Variants in MAPK10 observed in about 807,000 individuals in gnomAD.
MAPK10 encodes the protein JNK3 alpha protein kinase.
MAPK10 carries 25 observed loss-of-function variants against 59.3 expected under a neutral mutation model. The ratio of observed to expected loss-of-function variants is 0.42; its 90% CI spans 0.31 to 0.59. The LOEUF (loss-of-function observed/expected upper bound fraction) is 0.59, where lower values mean the gene tolerates loss of function less well. MAPK10 is among the 20% of genes least tolerant of loss of function. The probability of loss-of-function intolerance (pLI) is 0.15; values close to 1 mark genes in which losing one functional copy is unlikely to be tolerated. For missense variants in MAPK10, 351 were observed against 568.9 expected (o/e 0.62, Z 3.90); for synonymous variants, 190 against 200.5 (o/e 0.95, Z 0.44).
chr4:86,463,726 C>G (rs1751952347), intron 1 of MAPK10, among the ~76,000 whole-genome samples: 1 of 152,154 alleles, frequency 6.6e-6, no homozygotes, highest in African/African-American at 2.4e-5. Flanking sequence ...ATGACCTGCT[C>G]TAGGCATTCC....
chr4:86,389,233 T>C (rs899269801), intron 1 of MAPK10, among the ~76,000 whole-genome samples: 3 of 152,134 alleles, frequency 2.0e-5, no homozygotes, highest in African/African-American at 7.2e-5. Flanking sequence ...CCTTCCACCA[T>C]GATTGTGAGT....
chr4:86,231,762 T>G (rs1299932032), intron 2 of MAPK10, among the ~76,000 whole-genome samples: 1 of 152,220 alleles, frequency 6.6e-6, no homozygotes, highest in East Asian at 1.9e-4. Flanking sequence ...TCTTTAATGT[T>G]GCAAAAATAT....
intron 2 of MAPK10, among the ~76,000 whole-genome samples, chr4:86,309,151 AT>A (rs1358155822): frequency 2.6e-5 from 4 of 152,128 alleles, no homozygotes; most frequent in Non-Finnish European, 4.4e-5. Flanking sequence ...TCTTGCCCCT[AT>A]TTTGGTTTTT....
chr4:86,083,328 T>C (rs13110593), intron 9 of MAPK10, among the ~76,000 whole-genome samples: 21,791 of 152,152 alleles, frequency 0.14, 1,892 homozygotes, highest in African/African-American at 0.23. Context: ...CTGTCTTTAA[T>C]TGCCAGCGCC....
chr4:86,557,753 T>C (rs912902507), intron 1 of MAPK10, among the ~76,000 whole-genome samples: 1 of 152,100 alleles, frequency 6.6e-6, no homozygotes, highest in African/African-American at 2.4e-5. Context: ...TGTTTTCATA[T>C]TAGTCAGTTA....
intron 1 of MAPK10, among the ~76,000 whole-genome samples, chr4:86,396,510 A>C (rs1204178635): frequency 6.6e-6 from 1 of 152,236 alleles, no homozygotes; most frequent in Non-Finnish European, 1.5e-5. Context: ...AGAACTTAGT[A>C]CCAAAAAAAT....
At chr4:86,132,077 C>T (rs2061105880) in intron 4 of MAPK10, among the ~76,000 whole-genome samples, 1 of 152,138 alleles carries the variant, frequency 6.6e-6, no homozygotes, top group South Asian at 2.1e-4. Flanking sequence ...TAATAACTTA[C>T]TTATTTAACT....
At chr4:86,161,587 T>C (rs1369006104) in intron 3 of MAPK10, among the ~76,000 whole-genome samples, 1 of 62,700 alleles carries the variant, frequency 1.6e-5, no homozygotes, top group Non-Finnish European at 4.9e-5. Flanking sequence ...CAAGTTTAAT[T>C]TGGGATGAAT....
chr4:86,397,337 C>A (rs1743074151), intron 1 of MAPK10, among the ~76,000 whole-genome samples: 1 of 149,132 alleles, frequency 6.7e-6, no homozygotes, highest in Non-Finnish European at 1.5e-5. Context: ...TCAATTTCTC[C>A]TTCAAGTGTG....
intron 1 of MAPK10, among the ~76,000 whole-genome samples, chr4:86,536,048 C>T (rs71605604): frequency 0.029 from 4,347 of 152,194 alleles, 97 homozygotes; most frequent in Non-Finnish European, 0.042. Flanking sequence ...TTTATTTCCC[C>T]TTGTCCCCAG....
At chr4:86,337,615 G>A (rs921743937) in intron 2 of MAPK10, among the ~76,000 whole-genome samples, 1 of 152,188 alleles carries the variant, frequency 6.6e-6, no homozygotes, top group Non-Finnish European at 1.5e-5. Context: ...TAGGAGGAGG[G>A]ACCATGGCAA....
chr4:86,298,825 C>T (rs1200693423), intron 2 of MAPK10, among the ~76,000 whole-genome samples: 1 of 152,142 alleles, frequency 6.6e-6, no homozygotes, highest in African/African-American at 2.4e-5. Flanking sequence ...AAACTTAAAG[C>T]AGATCATGAG....
intron 2 of MAPK10, among the ~76,000 whole-genome samples, chr4:86,323,262 C>T (rs1215530356): frequency 6.6e-6 from 1 of 152,184 alleles, no homozygotes; most frequent in East Asian, 1.9e-4. Flanking sequence ...ATTTTCTTTG[C>T]TCTCTTCCTT....
In MAPK10 at chr4:86,011,862, G is replaced by A. The variant is rs1560458881; in HGVS notation, c.*5366C>T. 1 of 152,142 alleles carries A rather than the reference G, an allele frequency of 6.6e-6. No individual in the cohort carries two copies. The highest frequency in any genetic ancestry group is 1.5e-5 in the Non-Finnish European group (1 of 68,012). The allele number at this position is 152,142 out of a possible 1,614,324, so 9.4% of individuals were successfully genotyped here. On this transcript the variant is annotated 3_prime_UTR_variant, in exon 14 of 14. Transcript: ENST00000641462. The stretch of plus-strand genomic sequence containing the variant: ...AAATAAAACATTATTTACAGAAATA[G>A]AAGAGCCACTCCTCAACTGTTCAAA...
At chr4:86,329,570 A>C (rs535030583) in intron 2 of MAPK10, among the ~76,000 whole-genome samples, 4 of 152,272 alleles carry the variant, frequency 2.6e-5, no homozygotes, top group African/African-American at 9.6e-5. Context: ...AGCTTGGTCC[A>C]AGCCAGCAGC....
At chr4:86,284,807 A>G (rs2094938410) in intron 2 of MAPK10, among the ~76,000 whole-genome samples, 1 of 152,244 alleles carries the variant, frequency 6.6e-6, no homozygotes, top group Non-Finnish European at 1.5e-5. Context: ...ACAGCATTTG[A>G]GTGCCTAAAC....
chr4:86,016,439 C>G lies in MAPK10; in HGVS notation c.*789G>C, dbSNP rs1004352572. 1 of 152,550 alleles carries G rather than the reference C, an allele frequency of 6.6e-6. No homozygotes were observed. The highest frequency in any genetic ancestry group is 1.5e-5 in the Non-Finnish European group (1 of 68,032). The allele number at this position is 152,550 out of a possible 1,614,324, so 9.4% of individuals were successfully genotyped here. ...CCTGAAAACTGTTACCCACTCGCCC[C>G]ACACTTTACATAAGTATCACATATG... On this transcript the variant is annotated 3_prime_UTR_variant, in exon 14 of 14. Transcript: ENST00000641462.
intron 1 of MAPK10, among the ~76,000 whole-genome samples, chr4:86,504,370 C>T (rs1479095900): frequency 6.6e-6 from 1 of 152,052 alleles, no homozygotes; most frequent in African/African-American, 2.4e-5. Flanking sequence ...AGTAAAGTAA[C>T]GTAAAGGGGT....
chr4:86,150,803 A>G (rs2066254044), intron 4 of MAPK10, among the ~76,000 whole-genome samples: 1 of 152,174 alleles, frequency 6.6e-6, no homozygotes, highest in South Asian at 2.1e-4. Context: ...TGGAGCTTGC[A>G]GTGAGCCAAG....
Sources: gnomAD v4.1 joint callset for allele counts (sites outside exome capture counted in the v4.1 genomes callset) on GRCh38, gnomAD v4.1.1 for gene constraint, MANE v1.5 for transcripts, NCBI Gene and HGNC (gene_info 2026-07-23, HGNC 2026-07-21) for gene names.